The following HHLA1 variants were observed in gnomAD, a reference collection of about 807,000 sequenced individuals.
HHLA1 encodes HERV-H LTR-associating protein 1.
In HHLA1, 72 loss-of-function variants were observed where a neutral mutation model predicts 69.9. The ratio of observed to expected loss-of-function variants is 1.03; its 90% CI spans 0.85 to 1.25. The LOEUF (loss-of-function observed/expected upper bound fraction) is 1.25, where lower values mean the gene tolerates loss of function less well. Among genes scored for constraint, HHLA1 ranks in the 50% most tolerant of loss-of-function variants. HHLA1 has a pLI of 0.00. For synonymous variants in HHLA1, 252 were observed against 233.2 expected, an observed-to-expected ratio of 1.08 and a Z score of -0.73; for missense variants, 685 against 642.2, an observed-to-expected ratio of 1.07 and a Z score of -0.72.
chr8:132,094,727 C>A (rs1823994989), intron 7 of HHLA1, among the ~76,000 whole-genome samples: 1 of 152,152 alleles, frequency 6.6e-6, no homozygotes, highest in African/African-American at 2.4e-5. Flanking sequence ...CATGTACTTG[C>A]AGTACATTTA....
rs542353112 is a variant in HHLA1 at position 132,091,011 on chromosome 8, G to A, written c.449-1412C>T. ...CCTGACCTTGTGCTCCACCCGCCTC[G>A]GCCTCCTTCTCTGTCTCTTTAGACC... On this transcript the variant is annotated intron_variant, in intron 7 of 16. Transcript: ENST00000414222. Among the ~76,000 whole-genome samples the A allele has an allele frequency of 6.7e-4, 102 of 152,132 alleles. 1 individual carries two copies. Among genetic ancestry groups the A allele is most frequent in the African/African-American group, 2.2e-3 (91 of 41,502 alleles).
At chr8:132,100,592 T>G (rs1029632199) in intron 3 of HHLA1, among the ~76,000 whole-genome samples, 2 of 152,224 alleles carry the variant, frequency 1.3e-5, no homozygotes, top group Middle Eastern at 3.2e-3. Context: ...ATTTGAAATT[T>G]CAAAGGCATT....
At chr8:132,073,921 C>T (rs1823591079) in intron 14 of HHLA1, among the ~76,000 whole-genome samples, 1 of 152,204 alleles carries the variant, frequency 6.6e-6, no homozygotes, top group South Asian at 2.1e-4. Context: ...ATTAGCACAA[C>T]AGTCACCTCG....
At position 132,061,500 on chromosome 8, in the gene HHLA1, A is replaced by T. The variant is rs2130869842; in HGVS notation, c.*2495T>A. 1 of 152,312 alleles carries T rather than the reference A, an allele frequency of 6.6e-6. No homozygotes were observed. The highest frequency in any genetic ancestry group is 1.9e-4 in the East Asian group (1 of 5,178). 9.4% of individuals were successfully genotyped at this position (152,312 alleles called of 1,614,324 possible). On this transcript the variant is annotated 3_prime_UTR_variant, in exon 17 of 17. Transcript: ENST00000414222. The stretch of plus-strand genomic sequence containing the variant: ...GCACCTTTGCTACCTGGAAGAATGA[A>T]GTTTAATGACGTTACGCATGTAACT...
intron 10 of HHLA1, among the ~76,000 whole-genome samples, chr8:132,082,296 G>C (rs555831794): frequency 4.7e-4 from 72 of 152,336 alleles, no homozygotes; most frequent in Middle Eastern, 6.8e-3. Flanking sequence ...GCCTCTAAAA[G>C]CATTAAAGCA....
At position 132,089,526 on chromosome 8, in the gene HHLA1, G is replaced by T; in HGVS notation, c.522C>A (p.Ser174=). ...TCAAGATGAACACACCTGAGAGGAT[G>T]GAGGTTGACTTAAAAATCTCTGTGA... ...SYLTEIFKST[S]ILSVNQSNES... The change falls in exon 8 of 17, where the codon TCC becomes TCA. Residue 174 remains serine (S), a synonymous_variant. Coordinates refer to ENST00000414222, the MANE Select transcript of HHLA1 (RefSeq NM_001145095.3). 6.7e-7 allele frequency: 1 copy of T among 1,503,700 alleles called. No individual in the cohort carries two copies. Among genetic ancestry groups the T allele is most frequent in the Non-Finnish European group, 9.1e-7 (1 of 1,103,218 alleles). 93.1% of individuals were successfully genotyped at this position (1,503,700 alleles called of 1,614,324 possible). A position where few individuals can be genotyped will look rare whatever the true frequency, so the allele number is the denominator to read the frequency against.
chr8:132,088,283 A>T (rs917510320), intron 8 of HHLA1, among the ~76,000 whole-genome samples: 1 of 152,202 alleles, frequency 6.6e-6, no homozygotes, highest in African/African-American at 2.4e-5. Flanking sequence ...CTGTAAGACA[A>T]CATGTTTTGT....
At chr8:132,101,927 T>C (rs1210584999) in intron 3 of HHLA1, among the ~76,000 whole-genome samples, 1 of 152,244 alleles carries the variant, frequency 6.6e-6, no homozygotes. Flanking sequence ...GTTATTATGT[T>C]GTACAGCAGC....
At chr8:132,105,116 T>A in intron 2 of HHLA1, 71 bp downstream of exon 2, 1 of 1,179,322 alleles carries the variant, frequency 8.5e-7, no homozygotes, top group Non-Finnish European at 1.2e-6. Flanking sequence ...CTGCTGAGGT[T>A]CTCTAAAGCA....
intron 7 of HHLA1, among the ~76,000 whole-genome samples, chr8:132,091,405 G>A (rs957357029): frequency 3.9e-5 from 6 of 152,306 alleles, no homozygotes; most frequent in Non-Finnish European, 7.4e-5. Context: ...TCCAGAGTAC[G>A]TGGCAGAGCT....
intron 5 of HHLA1, among the ~76,000 whole-genome samples, chr8:132,097,758 A>G (rs1478412714): frequency 6.6e-6 from 1 of 152,188 alleles, no homozygotes; most frequent in African/African-American, 2.4e-5. Flanking sequence ...TCATGAGAGC[A>G]AATTGGAGGC....
intron 10 of HHLA1, among the ~76,000 whole-genome samples, chr8:132,083,331 C>T (rs1216487366): frequency 6.6e-6 from 1 of 151,976 alleles, no homozygotes; most frequent in Non-Finnish European, 1.5e-5. Context: ...ATACCCACAA[C>T]AGTTATGGAG....
At chr8:132,105,404 A>T in intron 1 of HHLA1, 118 bp from the exon 2 acceptor site, 1 of 679,010 alleles carries the variant, frequency 1.5e-6, no homozygotes, top group Admixed American at 2.5e-5. Context: ...GTACTAGGTT[A>T]GGAGAGGTTA....
At chr8:132,104,303 G>A in intron 2 of HHLA1, 136 bp from the exon 3 acceptor site, 2 of 632,600 alleles carry the variant, frequency 3.2e-6, no homozygotes, top group South Asian at 4.0e-5. Flanking sequence ...CCCGCATCTA[G>A]TTTGTTCATT....
In HHLA1 at chr8:132,096,979, G is replaced by A. The variant is rs187039497; in HGVS notation, c.281-1193C>T. Among the ~76,000 whole-genome samples, 10 of 152,166 alleles carry A rather than the reference G, an allele frequency of 6.6e-5. No individual in the cohort carries two copies. In the East Asian group the frequency reaches 1.7e-3, roughly 27 times the overall value. ...CATGACCCACTGTGCCCGGTCTCAG[G>A]TGATTTTTATTCATATAAATTTGTT... On this transcript the variant is annotated intron_variant, in intron 5 of 16. Coordinates refer to ENST00000414222, the MANE Select transcript of HHLA1 (RefSeq NM_001145095.3).
chr8:132,082,900 A>G (rs944625245), intron 10 of HHLA1, among the ~76,000 whole-genome samples: 3 of 151,908 alleles, frequency 2.0e-5, no homozygotes, highest in African/African-American at 7.3e-5. Context: ...AGGAGAGTTT[A>G]TAGGGTTTAA....
At chr8:132,071,202 T>C (rs1209912762) in intron 15 of HHLA1, 138 bp downstream of exon 15, 3 of 651,636 alleles carry the variant, frequency 4.6e-6, no homozygotes, top group Non-Finnish European at 5.3e-6. Context: ...CACTGGAGAG[T>C]CCCTTACCTT....
intron 1 of HHLA1, among the ~76,000 whole-genome samples, chr8:132,107,079 C>G (rs549652360): frequency 6.6e-6 from 1 of 152,232 alleles, no homozygotes; most frequent in African/African-American, 2.4e-5. Flanking sequence ...ATTCTCTTAT[C>G]TTTCTCTCTT....
chr8:132,103,798 A>G (rs941801452), intron 3 of HHLA1, among the ~76,000 whole-genome samples: 15 of 152,186 alleles, frequency 9.9e-5, no homozygotes, highest in Non-Finnish European at 1.9e-4. Flanking sequence ...AGTGAATTTC[A>G]TAGCATCAAG....
Sources: gnomAD v4.1 joint callset for allele counts (sites outside exome capture counted in the v4.1 genomes callset) on GRCh38, gnomAD v4.1.1 for gene constraint, MANE v1.5 for transcripts, NCBI Gene and HGNC (gene_info 2026-07-23, HGNC 2026-07-21) for gene names.